The following RANBP2 variants were observed in gnomAD, a reference collection of about 807,000 sequenced individuals.
The protein encoded by RANBP2 is RAN binding protein 2, also known as E3 SUMO-protein ligase RanBP2.
Under a neutral mutation model 303.6 loss-of-function variants are expected in RANBP2, and 57 were observed. The observed-to-expected ratio is 0.19, with a 90% CI of 0.15 to 0.23. The LOEUF (loss-of-function observed/expected upper bound fraction) is 0.23, where lower values mean the gene tolerates loss of function less well. Among genes scored for constraint, RANBP2 ranks in the 10% least tolerant of loss-of-function variants. RANBP2 has a pLI of 1.00. For synonymous variants in RANBP2, 1,167 were observed against 1,301.5 expected, an observed-to-expected ratio of 0.90 and a Z score of 2.23; for missense variants, 3,138 against 3,780.8, an observed-to-expected ratio of 0.83 and a Z score of 4.46.
the RANBP2 span, among the ~76,000 whole-genome samples, chr2:109,642,645 T>C: frequency 7.1e-6 from 1 of 140,042 alleles, no homozygotes; most frequent in Admixed American, 7.2e-5. Flanking sequence ...AGAGCAAGAC[T>C]CCATCTCAAA....
At chr2:109,143,644 C>T in the RANBP2 span, among the ~76,000 whole-genome samples, 5 of 152,140 alleles carry the variant, frequency 3.3e-5, 1 homozygote, top group South Asian at 1.0e-3. Flanking sequence ...GTCCTAGATA[C>T]ATAAGAGGCT....
the RANBP2 span, chr2:108,906,331 G>C: frequency 6.2e-7 from 1 of 1,614,174 alleles, no homozygotes. Flanking sequence ...ACACACGTTG[G>C]CATACACATC....
At chr2:109,134,767 A>G in the RANBP2 span, among the ~76,000 whole-genome samples, 1 of 152,202 alleles carries the variant, frequency 6.6e-6, no homozygotes, top group Admixed American at 6.5e-5. Context: ...AAACATAAGC[A>G]GTGGCCACCC....
the RANBP2 span, among the ~76,000 whole-genome samples, chr2:109,178,839 T>G: frequency 3.3e-5 from 5 of 152,218 alleles, no homozygotes; most frequent in Non-Finnish European, 7.3e-5. Flanking sequence ...GAAATGAATA[T>G]GGACATATTC....
the RANBP2 span, among the ~76,000 whole-genome samples, chr2:109,527,664 A>G: frequency 6.6e-6 from 1 of 152,134 alleles, no homozygotes; most frequent in Admixed American, 6.5e-5. Flanking sequence ...ATGTCGGGGG[A>G]GTGGCAGGGA....
At chr2:109,725,764 GCT>G in the RANBP2 span, among the ~76,000 whole-genome samples, 1 of 151,848 alleles carries the variant, frequency 6.6e-6, no homozygotes, top group Non-Finnish European at 1.5e-5. Flanking sequence ...ACGGAGTCTT[GCT>G]CTGTCACCCA....
chr2:109,475,690 G>A, the RANBP2 span, among the ~76,000 whole-genome samples: 1 of 152,214 alleles, frequency 6.6e-6, no homozygotes, highest in African/African-American at 2.4e-5. Flanking sequence ...CTTTGTGGAT[G>A]CCAGTAGCAC....
At chr2:109,490,492 A>G in the RANBP2 span, 1 of 951,188 alleles carries the variant, frequency 1.1e-6, no homozygotes, top group Non-Finnish European at 1.4e-6. Context: ...GTCTGAAAAA[A>G]TAAGAAATTT....
At chr2:108,806,788 A>G in the RANBP2 span, among the ~76,000 whole-genome samples, 1 of 152,218 alleles carries the variant, frequency 6.6e-6, no homozygotes, top group African/African-American at 2.4e-5. Flanking sequence ...TTATGCTAAC[A>G]CTGGATATAC....
At chr2:109,405,609 AG>A in the RANBP2 span, among the ~76,000 whole-genome samples, 1 of 152,184 alleles carries the variant, frequency 6.6e-6, no homozygotes, top group Middle Eastern at 3.4e-3. Flanking sequence ...TCTACCTACC[AG>A]GCAACACACA....
chr2:108,834,433 T>TTG, the RANBP2 span, among the ~76,000 whole-genome samples: 1 of 151,948 alleles, frequency 6.6e-6, no homozygotes, highest in Non-Finnish European at 1.5e-5. Flanking sequence ...CAGGCTGGTA[T>TTG]TGAACAGCTG....
the RANBP2 span, among the ~76,000 whole-genome samples, chr2:108,848,782 T>C: frequency 0.54 from 81,753 of 152,016 alleles, 26,940 homozygotes; most frequent in East Asian, 0.89. Flanking sequence ...ATTTATTTAA[T>C]AAATCAAAAT....
chr2:109,234,613 C>G, the RANBP2 span, among the ~76,000 whole-genome samples: 2 of 152,224 alleles, frequency 1.3e-5, no homozygotes, highest in Non-Finnish European at 2.9e-5. Flanking sequence ...ATGTTTGTTT[C>G]TCATTCACGC....
At chr2:109,345,355 T>C in the RANBP2 span, among the ~76,000 whole-genome samples, 2 of 152,048 alleles carry the variant, frequency 1.3e-5, no homozygotes, top group Admixed American at 6.5e-5. Context: ...TGTGCTCAGA[T>C]AGCACGAGCC....
the RANBP2 span, chr2:108,930,358 G>A: frequency 8.5e-7 from 1 of 1,180,526 alleles, no homozygotes; most frequent in African/African-American, 1.5e-5. Context: ...GCTCTGCTGG[G>A]GGCTCGGTCT....
the RANBP2 span, chr2:108,910,695 C>T: frequency 3.6e-5 from 55 of 1,523,570 alleles, no homozygotes; most frequent in African/African-American, 4.6e-4. Flanking sequence ...GCAGAAGCAG[C>T]GAGGAGGCTG....
chr2:109,191,522 G>A, the RANBP2 span, among the ~76,000 whole-genome samples: 2 of 152,232 alleles, frequency 1.3e-5, no homozygotes, highest in African/African-American at 4.8e-5. Flanking sequence ...GAAAGGGGTA[G>A]GGTGCCCCTC....
chr2:109,700,027 T>C, the RANBP2 span, among the ~76,000 whole-genome samples: 1 of 152,260 alleles, frequency 6.6e-6, no homozygotes, highest in South Asian at 2.1e-4. Flanking sequence ...GGCAGGAAGA[T>C]AGTTCCTGTA....
chr2:109,248,331 A>G, the RANBP2 span, among the ~76,000 whole-genome samples: 1 of 152,116 alleles, frequency 6.6e-6, no homozygotes, highest in Admixed American at 6.5e-5. Context: ...TTGAAGCCAT[A>G]CAGATATTCT....
Sources: gnomAD v4.1 joint callset for allele counts (sites outside exome capture counted in the v4.1 genomes callset) on GRCh38, gnomAD v4.1.1 for gene constraint, MANE v1.5 for transcripts, NCBI Gene and HGNC (gene_info 2026-07-23, HGNC 2026-07-21) for gene names.